TRAPPC9: variants seen among roughly 807,000 people sequenced by gnomAD.
The protein encoded by TRAPPC9 is trafficking protein particle complex subunit 9, also known as IKK2 binding protein.
A neutral mutation model predicts 124.0 loss-of-function variants in TRAPPC9; 83 were observed. The observed-to-expected ratio is 0.67, with a 90% confidence interval of 0.56 to 0.80. The LOEUF (loss-of-function observed/expected upper bound fraction) is 0.80, where lower values mean the gene tolerates loss of function less well. Ranked by LOEUF, TRAPPC9 falls within the 30% of genes least tolerant of loss-of-function variation. The pLI, the probability that TRAPPC9 is intolerant of heterozygous loss-of-function variation, is 0.00. For synonymous variants in TRAPPC9, 638 were observed against 617.5 expected (o/e 1.03, Z -0.49); for missense variants, 1,302 against 1,508.3 (o/e 0.86, Z 2.27).
intron 21 of TRAPPC9, among the ~76,000 whole-genome samples, chr8:139,828,188 C>T (rs1217088266): frequency 6.6e-6 from 1 of 152,088 alleles, no homozygotes; most frequent in Non-Finnish European, 1.5e-5. Context: ...CACACCTCTC[C>T]CCAGCATGTT....
chr8:139,730,036 C>A lies in TRAPPC9; in HGVS notation c.*1025G>T, dbSNP rs553468626. ...CTCTGGCCCTCAAGGGAGATGTGAG[C>A]CGTGTGCTTTCTCTCTCCGGTCCTC... is the stretch of plus-strand genomic sequence containing the variant. On this transcript the variant is annotated 3_prime_UTR_variant, in exon 23 of 23. Coordinates refer to ENST00000438773, the MANE Select transcript of TRAPPC9 (RefSeq NM_001160372.4). Among the ~76,000 whole-genome samples, 1 of 152,156 alleles carries A rather than the reference C, an allele frequency of 6.6e-6. No homozygotes were observed. Among genetic ancestry groups the A allele is most frequent in the East Asian group, 1.9e-4 (1 of 5,176 alleles).
At chr8:139,941,251 T>C (rs991222703) in intron 19 of TRAPPC9, among the ~76,000 whole-genome samples, 7 of 152,170 alleles carry the variant, frequency 4.6e-5, no homozygotes, top group African/African-American at 7.2e-5. Context: ...ACACGCACCA[T>C]GACCAGGACC....
intron 18 of TRAPPC9, among the ~76,000 whole-genome samples, chr8:140,013,068 C>G (rs1056206251): frequency 6.6e-6 from 1 of 152,158 alleles, no homozygotes; most frequent in African/African-American, 2.4e-5. Flanking sequence ...CACACAGAGG[C>G]AGGAAGAACG....
chr8:140,220,829 C>T lies in TRAPPC9; in HGVS notation c.2556+630G>A, dbSNP rs150013563. Among the ~76,000 whole-genome samples, 412 of 152,312 alleles carry T rather than the reference C, an allele frequency of 2.7e-3. 3 individuals carry two copies. The highest frequency in any genetic ancestry group is 9.3e-3 in the African/African-American group (387 of 41,560). ...CAAGTGTGCCTGAAAGTGACATTGC[C>T]GCCTGCAGCCCAGTCACAGCTCTTA... is the stretch of plus-strand genomic sequence containing the variant. On this transcript the variant is annotated intron_variant, in intron 17 of 22. Transcript: ENST00000438773.
intron 14 of TRAPPC9, among the ~76,000 whole-genome samples, chr8:140,281,769 G>C (rs999685174): frequency 6.6e-6 from 1 of 152,150 alleles, no homozygotes; most frequent in Admixed American, 6.5e-5. Context: ...AGTAAATGTT[G>C]TCTGTGTTTC....
chr8:140,157,541 G>C (rs1036568536), intron 17 of TRAPPC9, among the ~76,000 whole-genome samples: 1 of 152,252 alleles, frequency 6.6e-6, no homozygotes, highest in East Asian at 1.9e-4. Context: ...AACACCATGA[G>C]AGATGCTAAG....
chr8:140,441,750 A>T (rs2071023929), intron 2 of TRAPPC9, among the ~76,000 whole-genome samples: 1 of 152,166 alleles, frequency 6.6e-6, no homozygotes, highest in Admixed American at 6.5e-5. Context: ...TTTTTTGTAG[A>T]GACAAGGTCT....
chr8:139,789,935 G>A lies in TRAPPC9; in HGVS notation c.3056-57733C>T, dbSNP rs545445078. 1.4e-4 allele frequency among the ~76,000 whole-genome samples: 21 copies of A among 152,220 alleles called. 1 individual carries two copies. In the South Asian group the frequency reaches 2.9e-3, roughly 21 times the overall value. On this transcript the variant is annotated intron_variant, in intron 21 of 22. Coordinates refer to ENST00000438773, the MANE Select transcript of TRAPPC9 (RefSeq NM_001160372.4). ...GGCGGGCCCTACCCACAGCCTTCTC[G>A]GGCTCCCGTCCCGGTGCGTCCCTCC...
rs1217734421 is a variant in TRAPPC9 at position 139,797,456 on chromosome 8, C to T, written c.3056-65254G>A. Reference sequence around the variant, plus strand: ...TGACTTTTTAGTAGAGACAGGGTTTCACCATGTTGGCCAGGCTGATCTCAA... The same window carrying T: ...TGACTTTTTAGTAGAGACAGGGTTTTACCATGTTGGCCAGGCTGATCTCAA... On this transcript the variant is annotated intron_variant, in intron 21 of 22. Transcript: ENST00000438773. 3.3e-5 allele frequency among the ~76,000 whole-genome samples: 5 copies of T among 152,264 alleles called. No individual in the cohort carries two copies. In the East Asian group the frequency reaches 7.7e-4, roughly 24 times the overall value.
rs527818992 is a variant in TRAPPC9 at position 140,305,806 on chromosome 8, A to C, written c.1623-5192T>G. On this transcript the variant is annotated intron_variant, in intron 10 of 22. Coordinates refer to ENST00000438773, the MANE Select transcript of TRAPPC9 (RefSeq NM_001160372.4). ...CAAAGAGCTTTTCTGCTTATAAAAC[A>C]ATTTCCCAAACATTTCATTTGATCC... 6.6e-5 allele frequency among the ~76,000 whole-genome samples: 10 copies of C among 152,344 alleles called. No homozygotes were observed. The South Asian group carries it at 2.1e-3, about 32-fold the overall frequency.
intron 17 of TRAPPC9, among the ~76,000 whole-genome samples, chr8:140,138,664 G>A (rs1460657694): frequency 6.6e-6 from 1 of 152,212 alleles, no homozygotes; most frequent in Non-Finnish European, 1.5e-5. Context: ...GCTCAGAACA[G>A]TAAGCGCATT....
At chr8:140,373,375 CA>C (rs2068339075) in intron 7 of TRAPPC9, among the ~76,000 whole-genome samples, 1 of 152,230 alleles carries the variant, frequency 6.6e-6, no homozygotes, top group South Asian at 2.1e-4. Flanking sequence ...TCTGCTCCTG[CA>C]ATGCCTCCAC....
chr8:140,099,834 G>C (rs2130349241), intron 17 of TRAPPC9: 1 of 148,554 alleles, frequency 6.7e-6, no homozygotes. Flanking sequence ...GTCCTCCGCA[G>C]CCTTCTCCAG....
intron 17 of TRAPPC9, among the ~76,000 whole-genome samples, chr8:140,046,384 A>C (rs945782070): frequency 5.9e-5 from 9 of 152,266 alleles, no homozygotes; most frequent in African/African-American, 2.2e-4. Context: ...AGAGAGCTGG[A>C]TGGACAGGGC....
chr8:140,106,414 T>G (rs1321099661), intron 17 of TRAPPC9, among the ~76,000 whole-genome samples: 3 of 152,210 alleles, frequency 2.0e-5, no homozygotes, highest in Non-Finnish European at 2.9e-5. Flanking sequence ...GGATTGCCAG[T>G]TCCTAGGCAA....
chr8:140,160,759 C>T (rs371954398), intron 17 of TRAPPC9, among the ~76,000 whole-genome samples: 125 of 151,704 alleles, frequency 8.2e-4, no homozygotes, highest in African/African-American at 2.9e-3. Flanking sequence ...GAAACCTGCA[C>T]GTTGGGCACT....
Position 139,854,988 on chromosome 8 carries a change from TATCA to T in TRAPPC9, c.3055+30887_3055+30890del, listed in dbSNP as rs778628837. Among the ~76,000 whole-genome samples, 7 of 152,288 alleles carry T rather than the reference TATCA, an allele frequency of 4.6e-5. No individual in the cohort carries two copies. The East Asian group carries it at 1.2e-3, about 25-fold the overall frequency. On this transcript the variant is annotated intron_variant, in intron 21 of 22. Coordinates refer to ENST00000438773, the MANE Select transcript of TRAPPC9 (RefSeq NM_001160372.4). ...GGCATGGGCTGGCTCCTTCCCTTCC[TATCA>T]ATCGTCTTCATTCAAAGCTGGCACG...
intron 21 of TRAPPC9, among the ~76,000 whole-genome samples, chr8:139,772,698 C>G (rs1821059225): frequency 6.6e-6 from 1 of 152,188 alleles, no homozygotes; most frequent in Non-Finnish European, 1.5e-5. Flanking sequence ...TATACGACAC[C>G]TAGTGTTAGG....
chr8:140,456,640 C>T (rs190375700), intron 1 of TRAPPC9, among the ~76,000 whole-genome samples: 3 of 152,222 alleles, frequency 2.0e-5, no homozygotes. Flanking sequence ...ATCTTTAGGA[C>T]GGCAATGTTC....
Sources: allele counts gnomAD v4.1 joint callset (sites outside exome capture counted in the v4.1 genomes callset), GRCh38; gene constraint gnomAD v4.1.1; transcripts MANE v1.5; gene names NCBI Gene and HGNC (gene_info 2026-07-23, HGNC 2026-07-21).